The following TULP4 variants were observed in gnomAD, a reference collection of about 807,000 sequenced individuals.
TULP4 encodes tubby-related protein 4.
Under a neutral mutation model 129.0 loss-of-function variants are expected in TULP4, and 16 were observed. The ratio of observed to expected loss-of-function variants is 0.12; its 90% CI spans 0.08 to 0.19. The LOEUF is 0.19. Ranked by LOEUF, TULP4 falls within the 10% of genes least tolerant of loss-of-function variation. The pLI, the probability that TULP4 is intolerant of heterozygous loss-of-function variation, is 1.00. For missense variants in TULP4, 1,842 were observed against 2,059.1 expected (o/e 0.89, Z 2.04); for synonymous variants, 998 against 854.0 (o/e 1.17, Z -2.94).
At chr6:158,425,500 C>T (rs1226553223) in intron 2 of TULP4, among the ~76,000 whole-genome samples, 1 of 68,710 alleles carries the variant, frequency 1.5e-5, no homozygotes, top group Admixed American at 2.2e-4. Context: ...AAAAGAAGAG[C>T]AAAACTCCGT....
intron 1 of TULP4, among the ~76,000 whole-genome samples, chr6:158,285,495 T>C (rs1778820404): frequency 6.6e-6 from 1 of 152,226 alleles, no homozygotes; most frequent in Non-Finnish European, 1.5e-5. Flanking sequence ...GATTCCTACC[T>C]GAATTCCTGC....
chr6:158,313,639 C>G lies in TULP4; in HGVS notation c.-378C>G. On this transcript the variant is annotated 5_prime_UTR_variant, in exon 1 of 14. Coordinates refer to ENST00000367097, the MANE Select transcript of TULP4 (RefSeq NM_020245.5). ...TATTACACTAAACTGGAATCTCAGG[C>G]TGAATGAGAATAACCAAGTGGAGTA... The G allele has an allele frequency of 2.3e-6, 1 of 431,516 alleles. No individual in the cohort carries two copies. Among genetic ancestry groups the G allele is most frequent in the Non-Finnish European group, 4.1e-6 (1 of 246,158 alleles). 26.7% of individuals were successfully genotyped at this position (431,516 alleles called of 1,614,324 possible).
At chr6:158,326,826 T>A (rs1036514224) in intron 1 of TULP4, among the ~76,000 whole-genome samples, 4 of 152,252 alleles carry the variant, frequency 2.6e-5, no homozygotes, top group Non-Finnish European at 5.9e-5. Flanking sequence ...GTCCCTTGAC[T>A]ATCATGGTTT....
In TULP4 at chr6:158,329,477, AG is replaced by A. The variant is rs869237791; in HGVS notation, c.252+15210del. On this transcript the variant is annotated intron_variant, in intron 1 of 13. Coordinates refer to ENST00000367097, the MANE Select transcript of TULP4 (RefSeq NM_020245.5). ...AGAACCTTAACATTAAAAAAAAAAA[AG>A]AAGAATAACCTCGAAAGCACCATCC... Among the ~76,000 whole-genome samples the A allele has an allele frequency of 2.0e-5, 3 of 150,942 alleles. 1 individual carries two copies. Among genetic ancestry groups the A allele is most frequent in the Non-Finnish European group, 3.0e-5 (2 of 67,780 alleles).
At chr6:158,311,018 G>A (rs142352312), upstream of TULP4, among the ~76,000 whole-genome samples, 210 of 151,566 alleles carry the variant, frequency 1.4e-3, no homozygotes, top group Admixed American at 2.8e-3. Context: ...CCTCTACCTT[G>A]ATTAGTGTTA....
At chr6:158,420,858 C>T (rs1447787820) in intron 2 of TULP4, among the ~76,000 whole-genome samples, 1 of 151,974 alleles carries the variant, frequency 6.6e-6, no homozygotes, top group African/African-American at 2.4e-5. Context: ...TTTATAAAAT[C>T]CTAGATCTAA....
At chr6:158,450,309 T>A (rs1325544058) in intron 4 of TULP4, among the ~76,000 whole-genome samples, 1 of 152,218 alleles carries the variant, frequency 6.6e-6, no homozygotes, top group African/African-American at 2.4e-5. Flanking sequence ...CATGTCGTCC[T>A]GTGAAGGGCT....
chr6:158,410,929 G>A (rs1266003216), intron 1 of TULP4, among the ~76,000 whole-genome samples: 1 of 152,100 alleles, frequency 6.6e-6, no homozygotes, highest in African/African-American at 2.4e-5. Flanking sequence ...ACTCCAGGGA[G>A]ACAAGATGTC....
intron 8 of TULP4, among the ~76,000 whole-genome samples, chr6:158,486,551 C>CAA (rs150272102): frequency 1.3e-5 from 2 of 149,896 alleles, no homozygotes; most frequent in Non-Finnish European, 1.5e-5. Flanking sequence ...AGACTCGTCT[C>CAA]AAAAAAAAAG....
At position 158,376,561 on chromosome 6, in the gene TULP4, A is replaced by G. The variant is rs527532460; in HGVS notation, c.253-36504A>G. ...AAGCCCACCAGATTCAAGAGGAAAG[A>G]ACTTAGATCCCACCTCTCAAGAGGG... On this transcript the variant is annotated intron_variant, in intron 1 of 13. Transcript: ENST00000367097. 2.0e-5 allele frequency among the ~76,000 whole-genome samples: 3 copies of G among 152,332 alleles called. No homozygotes were observed. The South Asian group carries it at 6.2e-4, about 32-fold the overall frequency.
intron 9 of TULP4, among the ~76,000 whole-genome samples, chr6:158,491,346 C>T (rs1583935400): frequency 6.6e-6 from 1 of 152,320 alleles, no homozygotes; most frequent in Non-Finnish European, 1.5e-5. Flanking sequence ...CTGTTCAAGT[C>T]TTCTGCCCAA....
chr6:158,242,296 CAT>C (rs1310303950), intron 1 of TULP4: 9 of 1,561,022 alleles, frequency 5.8e-6, no homozygotes, highest in South Asian at 1.1e-5. Context: ...TAGCACAGCT[CAT>C]GTGTGCCTTC....
At chr6:158,353,276 T>C (rs1780570335) in intron 1 of TULP4, among the ~76,000 whole-genome samples, 1 of 152,256 alleles carries the variant, frequency 6.6e-6, no homozygotes, top group African/African-American at 2.4e-5. Flanking sequence ...CTGTATTTAG[T>C]ATTCCAGATA....
At chr6:158,341,872 C>A (rs1185256850) in intron 1 of TULP4, among the ~76,000 whole-genome samples, 5 of 152,006 alleles carry the variant, frequency 3.3e-5, no homozygotes, top group African/African-American at 1.2e-4. Flanking sequence ...TGTCTTTTCC[C>A]TTTGTTTATT....
chr6:158,233,257 C>T (rs1186239133), intron 1 of TULP4, among the ~76,000 whole-genome samples: 3 of 152,226 alleles, frequency 2.0e-5, no homozygotes, highest in Non-Finnish European at 2.9e-5. Context: ...ATCAGCTCCC[C>T]TCGCCAGGAA....
intron 1 of TULP4, among the ~76,000 whole-genome samples, chr6:158,364,347 A>G (rs1380327027): frequency 6.6e-6 from 1 of 152,080 alleles, no homozygotes; most frequent in African/African-American, 2.4e-5. Context: ...GAATTAAGAA[A>G]CCTAAAACAA....
At chr6:158,454,025 C>CCT (rs1053590255) in intron 5 of TULP4, among the ~76,000 whole-genome samples, 2 of 148,056 alleles carry the variant, frequency 1.4e-5, no homozygotes, top group South Asian at 2.2e-4. Context: ...TGCACCGCCC[C>CCT]CCCCCAAGTA....
intron 1 of TULP4, among the ~76,000 whole-genome samples, chr6:158,357,056 G>A (rs979048091): frequency 6.6e-6 from 1 of 152,192 alleles, no homozygotes; most frequent in Non-Finnish European, 1.5e-5. Flanking sequence ...GGAGGCTTCA[G>A]GATACAACCT....
intron 2 of TULP4, among the ~76,000 whole-genome samples, chr6:158,426,705 C>G (rs1778502458): frequency 6.6e-6 from 1 of 152,042 alleles, no homozygotes; most frequent in African/African-American, 2.4e-5. Context: ...TCTTTGGGCT[C>G]TTTTTTGGTT....
Sources: allele counts gnomAD v4.1 joint callset (sites outside exome capture counted in the v4.1 genomes callset), GRCh38; gene constraint gnomAD v4.1.1; transcripts MANE v1.5; gene names NCBI Gene and HGNC (gene_info 2026-07-23, HGNC 2026-07-21).